The following CCNY variants were observed in gnomAD, a reference collection of about 807,000 sequenced individuals.
CCNY encodes cyclin Y.
A neutral mutation model predicts 42.8 loss-of-function variants in CCNY; 19 were observed. That is an observed-to-expected ratio of 0.44 (90% CI 0.31 to 0.65). The LOEUF (loss-of-function observed/expected upper bound fraction) is 0.65, where lower values mean the gene tolerates loss of function less well. Ranked by LOEUF, CCNY falls within the 30% of genes least tolerant of loss-of-function variation. The pLI is 0.07. For synonymous variants in CCNY, 165 were observed against 162.7 expected (o/e 1.01, Z -0.11); for missense variants, 370 against 437.3 (o/e 0.85, Z 1.37).
At chr10:35,351,753 G>C (rs1423122549) in intron 1 of CCNY, among the ~76,000 whole-genome samples, 3 of 152,192 alleles carry the variant, frequency 2.0e-5, no homozygotes, top group Non-Finnish European at 2.9e-5. Context: ...TACCCTTACA[G>C]GACCTTTTTT....
chr10:35,496,632 A>G (rs1024051552), intron 2 of CCNY, among the ~76,000 whole-genome samples: 1 of 152,168 alleles, frequency 6.6e-6, no homozygotes, highest in African/African-American at 2.4e-5. Context: ...CAGGAGTTCA[A>G]TACCAGCCTG....
chr10:35,403,294 C>T (rs560874725), intron 1 of CCNY, among the ~76,000 whole-genome samples: 29 of 152,126 alleles, frequency 1.9e-4, no homozygotes, highest in South Asian at 6.2e-4. Context: ...TATGAAATGA[C>T]GACAGAAAAG....
rs534404271 is a variant in CCNY at position 35,413,000 on chromosome 10, G to A, written c.155-70404G>A. ...GCTTCCTGGGGGCCATGTTTTGCTT[G>A]CTGCTGTATCTCCAGTGTCCAGAAC... On this transcript the variant is annotated intron_variant, in intron 1 of 9. Coordinates refer to ENST00000374704, the MANE Select transcript of CCNY (RefSeq NM_145012.6). Among the ~76,000 whole-genome samples, 15 of 152,122 alleles carry A rather than the reference G, an allele frequency of 9.9e-5. No individual in the cohort carries two copies. In the East Asian group the frequency reaches 2.9e-3, roughly 29 times the overall value.
At chr10:35,532,837 C>T (rs771126676) in intron 7 of CCNY, among the ~76,000 whole-genome samples, 7 of 152,172 alleles carry the variant, frequency 4.6e-5, no homozygotes, top group East Asian at 1.9e-4. Flanking sequence ...TGCGGTACTT[C>T]GACAACATGA....
At chr10:35,485,497 G>A (rs1190014338) in intron 2 of CCNY, among the ~76,000 whole-genome samples, 2 of 152,178 alleles carry the variant, frequency 1.3e-5, no homozygotes, top group African/African-American at 2.4e-5. Flanking sequence ...AGGCCAAGGC[G>A]GGTGGATCAC....
chr10:35,254,025 G>A (rs2095713826), intron 3 of CCNY, among the ~76,000 whole-genome samples: 1 of 146,382 alleles, frequency 6.8e-6, no homozygotes, highest in Non-Finnish European at 1.5e-5. Context: ...ACGGGCGCCC[G>A]CCACCATGCC....
chr10:35,419,102 C>CG (rs1838096841), intron 1 of CCNY, among the ~76,000 whole-genome samples: 1 of 152,062 alleles, frequency 6.6e-6, no homozygotes, highest in African/African-American at 2.4e-5. Flanking sequence ...CATGAGCCAC[C>CG]GCACCCGGGT....
chr10:35,480,407 G>A (rs539231483), intron 1 of CCNY, among the ~76,000 whole-genome samples: 182 of 152,186 alleles, frequency 1.2e-3, no homozygotes, highest in African/African-American at 4.1e-3. Context: ...GAGGAGGAGC[G>A]GAGAGGCACG....
At chr10:35,536,109 G>A (rs936274257) in intron 7 of CCNY, among the ~76,000 whole-genome samples, 4 of 152,180 alleles carry the variant, frequency 2.6e-5, no homozygotes, top group African/African-American at 9.7e-5. Context: ...TTGTGGGAGG[G>A]ACCTGGTGGG....
intron 7 of CCNY, among the ~76,000 whole-genome samples, chr10:35,531,772 G>A (rs1042505460): frequency 6.6e-6 from 1 of 152,170 alleles, no homozygotes; most frequent in African/African-American, 2.4e-5. Context: ...AATATGGCCT[G>A]GCTGTGAAAG....
intron 8 of CCNY, among the ~76,000 whole-genome samples, chr10:35,564,527 C>T (rs952534477): frequency 4.6e-5 from 7 of 152,180 alleles, no homozygotes; most frequent in Admixed American, 1.3e-4. Context: ...ATAGGGGTCT[C>T]GGGACATCAC....
chr10:35,305,975 GT>G (rs1400044679), intron 3 of CCNY, among the ~76,000 whole-genome samples: 1 of 152,142 alleles, frequency 6.6e-6, no homozygotes, highest in Admixed American at 6.6e-5. Flanking sequence ...TCCAAAGTTA[GT>G]TTCCAGTACA....
chr10:35,521,689 G>T (rs564222031), intron 4 of CCNY, among the ~76,000 whole-genome samples: 1 of 152,262 alleles, frequency 6.6e-6, no homozygotes, highest in South Asian at 2.1e-4. Context: ...TATAAACAAG[G>T]CACAGGCTTT....
chr10:35,390,711 T>TG (rs1188440407), intron 1 of CCNY, among the ~76,000 whole-genome samples: 1 of 152,214 alleles, frequency 6.6e-6, no homozygotes, highest in Non-Finnish European at 1.5e-5. Context: ...TCAGCACACT[T>TG]GCTGCCAAAG....
chr10:35,489,425 C>T (rs1021229421), intron 2 of CCNY, among the ~76,000 whole-genome samples: 11 of 152,054 alleles, frequency 7.2e-5, no homozygotes, highest in African/African-American at 2.4e-4. Flanking sequence ...CTCAGCCTCC[C>T]GAGTAGCTGG....
At chr10:35,251,459 T>C (rs541946541) in intron 3 of CCNY, among the ~76,000 whole-genome samples, 1 of 152,182 alleles carries the variant, frequency 6.6e-6, no homozygotes, top group Admixed American at 6.6e-5. Flanking sequence ...AGTAGAAAGA[T>C]GTAGCTTCAG....
At chr10:35,313,458 T>C (rs776535577) in intron 3 of CCNY, among the ~76,000 whole-genome samples, 1 of 152,212 alleles carries the variant, frequency 6.6e-6, no homozygotes, top group African/African-American at 2.4e-5. Flanking sequence ...TTCCCCGAGT[T>C]TGCGTCTGTT....
rs1837339190 is a variant in CCNY, at chr10:35,388,262, G to A, written c.154+51055G>A. ...GGTAGGCTATATTTGTAGAGTGTTG[G>A]CTGACAAAGGCTGAAACAAAATAGA... is the stretch of plus-strand genomic sequence containing the variant. On this transcript the variant is annotated intron_variant, in intron 1 of 9. Transcript: ENST00000374704. Among the ~76,000 whole-genome samples, 5 of 152,218 alleles carry A rather than the reference G, an allele frequency of 3.3e-5. No homozygotes were observed. The South Asian group carries it at 1.0e-3, about 31-fold the overall frequency.
At chr10:35,421,751 T>TA (rs1838164146) in intron 1 of CCNY, among the ~76,000 whole-genome samples, 1 of 152,190 alleles carries the variant, frequency 6.6e-6, no homozygotes. Flanking sequence ...TGTTTTCACT[T>TA]ACTTTCCTGT....
Sources: gnomAD v4.1 joint callset for allele counts (sites outside exome capture counted in the v4.1 genomes callset) on GRCh38, gnomAD v4.1.1 for gene constraint, MANE v1.5 for transcripts, NCBI Gene and HGNC (gene_info 2026-07-23, HGNC 2026-07-21) for gene names.